FILIP1L: variants seen among roughly 807,000 people sequenced by gnomAD.
FILIP1L encodes the protein filamin A interacting protein 1 like, also known as filamin A-interacting protein 1-like.
A neutral mutation model predicts 96.6 loss-of-function variants in FILIP1L; 55 were observed. The ratio of observed to expected loss-of-function variants is 0.57; its 90% CI spans 0.46 to 0.71. The LOEUF is 0.71. Ranked by LOEUF, FILIP1L falls within the 30% of genes least tolerant of loss-of-function variation. FILIP1L has a pLI of 0.00. For missense variants in FILIP1L, 1,304 were observed against 1,321.2 expected (o/e 0.99, Z 0.20); for synonymous variants, 467 against 473.9 (o/e 0.99, Z 0.19).
intron 1 of FILIP1L, among the ~76,000 whole-genome samples, chr3:100,013,423 T>C (rs1015844186): frequency 6.6e-6 from 1 of 151,810 alleles, no homozygotes; most frequent in African/African-American, 2.4e-5. Context: ...TTTATATTTT[T>C]AGTAGAGACC....
At chr3:99,851,173 CTG>C (rs1337636927) in intron 4 of FILIP1L, 103 bp from the exon 5 acceptor site, 3 of 953,454 alleles carry the variant, frequency 3.1e-6, no homozygotes, top group African/African-American at 3.3e-5. Context: ...ATTATATGAG[CTG>C]TGTCAGTTCA....
In FILIP1L at chr3:100,094,094, G is replaced by A. The variant is rs557830537; in HGVS notation, c.-11+19959C>T. On this transcript the variant is annotated intron_variant, in intron 1 of 5. Coordinates refer to ENST00000477258, the MANE Select transcript of FILIP1L (RefSeq NM_001387850.1). ...CCCTGCATCCTTGCCAACATTTGGT[G>A]TCATCACTATTTTTTTAATTTTAGT... is the stretch of plus-strand genomic sequence containing the variant. Among the ~76,000 whole-genome samples the A allele has an allele frequency of 2.6e-5, 4 of 152,240 alleles. No individual in the cohort carries two copies. The South Asian group carries it at 8.3e-4, about 32-fold the overall frequency.
Position 99,929,975 on chromosome 3 carries a change from G to A in FILIP1L, c.307C>T (p.Leu103=). 3.1e-6 allele frequency: 5 copies of A among 1,613,974 alleles called. No homozygotes were observed. The highest frequency in any genetic ancestry group is 4.2e-6 in the Non-Finnish European group (5 of 1,179,976). The change falls in exon 3 of 6, where the codon CTG becomes TTG. Residue 103 remains leucine, a synonymous_variant. Transcript: ENST00000477258. ...GTGACAAACCCATACTGAGCTTCCA[G>A]CAAAGCCAGGTCCATTTTTTCAGCC... is the stretch of plus-strand genomic sequence containing the variant. ...LKAEKMDLAL[L]EAQYGFVTPK...
chr3:99,965,475 G>C (rs536625535), intron 1 of FILIP1L, among the ~76,000 whole-genome samples: 1 of 152,306 alleles, frequency 6.6e-6, no homozygotes, highest in East Asian at 1.9e-4. Context: ...TTGGAATTGA[G>C]ATAAATGTTA....
At chr3:100,043,059 T>G (rs1434540380) in intron 1 of FILIP1L, among the ~76,000 whole-genome samples, 4 of 152,240 alleles carry the variant, frequency 2.6e-5, no homozygotes, top group African/African-American at 9.6e-5. Context: ...TACCTCAATG[T>G]GAAGATCAGT....
At chr3:100,106,024 C>G (rs922291160) in intron 1 of FILIP1L, among the ~76,000 whole-genome samples, 1 of 152,112 alleles carries the variant, frequency 6.6e-6, no homozygotes, top group African/African-American at 2.4e-5. Context: ...GAAGTCAAGA[C>G]AGACAGATTA....
At chr3:99,978,678 T>G (rs1172664410) in intron 1 of FILIP1L, among the ~76,000 whole-genome samples, 1 of 152,108 alleles carries the variant, frequency 6.6e-6, no homozygotes, top group Non-Finnish European at 1.5e-5. Context: ...GTGAATCACA[T>G]GAGGCCAGGA....
intron 1 of FILIP1L, among the ~76,000 whole-genome samples, chr3:99,943,596 C>T (rs563854443): frequency 3.9e-5 from 6 of 151,942 alleles, no homozygotes; most frequent in South Asian, 2.1e-4. Flanking sequence ...CCCAGCTACT[C>T]GGGAGGCTGA....
chr3:99,971,442 T>G (rs1708819531), intron 1 of FILIP1L, among the ~76,000 whole-genome samples: 1 of 151,964 alleles, frequency 6.6e-6, no homozygotes, highest in Admixed American at 6.5e-5. Context: ...CTTTTCTACA[T>G]GTTGAATATG....
At chr3:99,839,245 C>T (rs1253241992) in intron 5 of FILIP1L, among the ~76,000 whole-genome samples, 1 of 152,174 alleles carries the variant, frequency 6.6e-6, no homozygotes, top group African/African-American at 2.4e-5. Flanking sequence ...GTGTTGAGCT[C>T]TTAGTTACCT....
intron 1 of FILIP1L, among the ~76,000 whole-genome samples, chr3:100,022,710 T>C (rs1315932008): frequency 6.6e-6 from 1 of 152,228 alleles, no homozygotes; most frequent in African/African-American, 2.4e-5. Flanking sequence ...TAAGGTTCTT[T>C]TTCTTCAGCA....
At chr3:99,858,648 C>G (rs144727490) in intron 4 of FILIP1L, among the ~76,000 whole-genome samples, 24 of 152,306 alleles carry the variant, frequency 1.6e-4, no homozygotes, top group Non-Finnish European at 2.9e-4. Flanking sequence ...ATCCTCAGAT[C>G]TGTTTCACAC....
intron 1 of FILIP1L, among the ~76,000 whole-genome samples, chr3:99,991,856 G>GTA (rs145416702): frequency 1.4e-5 from 2 of 147,926 alleles, no homozygotes; most frequent in Non-Finnish European, 3.0e-5. Context: ...GTGTGTGTGT[G>GTA]TATGTGTATA....
chr3:100,002,226 C>T (rs1274002936), intron 1 of FILIP1L, among the ~76,000 whole-genome samples: 1 of 152,140 alleles, frequency 6.6e-6, no homozygotes, highest in Admixed American at 6.5e-5. Flanking sequence ...ACAGACTGAT[C>T]ATGATTTTGG....
At chr3:100,009,499 G>A (rs1285153112) in intron 1 of FILIP1L, among the ~76,000 whole-genome samples, 1 of 150,284 alleles carries the variant, frequency 6.7e-6, no homozygotes, top group African/African-American at 2.4e-5. Context: ...AGGCAAGCAC[G>A]GTATAGGGGA....
chr3:100,030,908 G>T (rs2065011926), intron 1 of FILIP1L, among the ~76,000 whole-genome samples: 2 of 152,110 alleles, frequency 1.3e-5, no homozygotes, highest in South Asian at 4.2e-4. Context: ...GATATTCTTG[G>T]CTTAAGAATG....
At chr3:100,085,688 A>G (rs898598236) in intron 1 of FILIP1L, among the ~76,000 whole-genome samples, 4 of 152,152 alleles carry the variant, frequency 2.6e-5, no homozygotes. Context: ...ATGTTTCTGA[A>G]GTACTCTTCA....
intron 4 of FILIP1L, among the ~76,000 whole-genome samples, chr3:99,886,329 C>G (rs964074405): frequency 7.3e-5 from 11 of 151,026 alleles, no homozygotes; most frequent in African/African-American, 2.7e-4. Flanking sequence ...GATGTCCAAT[C>G]TTTTGGCTTC....
chr3:100,106,617 GT>G lies in FILIP1L; in HGVS notation c.-11+7435del, dbSNP rs747359630. Among the ~76,000 whole-genome samples the G allele has an allele frequency of 6.6e-5, 10 of 152,240 alleles. No individual in the cohort carries two copies. In the East Asian group the frequency reaches 1.9e-3, roughly 29 times the overall value. Reference sequence around the variant, plus strand: ...TGTGGGTATCATTTTCTCTAACTGTGTTTCCCTGGTAAGGGCTGTAGGATCC... The same window carrying G: ...TGTGGGTATCATTTTCTCTAACTGTGTTCCCTGGTAAGGGCTGTAGGATCC... On this transcript the variant is annotated intron_variant, in intron 1 of 5. Transcript: ENST00000477258.
Sources: gnomAD v4.1 joint callset for allele counts (sites outside exome capture counted in the v4.1 genomes callset) on GRCh38, gnomAD v4.1.1 for gene constraint, MANE v1.5 for transcripts, NCBI Gene and HGNC (gene_info 2026-07-23, HGNC 2026-07-21) for gene names.